The following SPIDR variants were observed in gnomAD, a reference collection of about 807,000 sequenced individuals.
SPIDR encodes DNA repair-scaffolding protein.
SPIDR carries 93 observed loss-of-function variants against 104.6 expected under a neutral mutation model. The observed-to-expected ratio is 0.89, with a 90% CI of 0.75 to 1.06. The LOEUF is 1.06. Among genes scored for constraint, SPIDR ranks in the 50% least tolerant of loss-of-function variants. The pLI is 0.00. For synonymous variants in SPIDR, 431 were observed against 416.9 expected, an observed-to-expected ratio of 1.03 and a Z score of -0.41; for missense variants, 1,154 against 1,111.2, an observed-to-expected ratio of 1.04 and a Z score of -0.55.
chr8:47,631,658 AT>A (rs1313741072), intron 10 of SPIDR, among the ~76,000 whole-genome samples: 2 of 152,222 alleles, frequency 1.3e-5, no homozygotes, highest in African/African-American at 4.8e-5. Flanking sequence ...AAGAATTCTT[AT>A]TTGACTCTTC....
intron 16 of SPIDR, among the ~76,000 whole-genome samples, chr8:47,716,314 T>C (rs2082584899): frequency 6.6e-6 from 1 of 152,180 alleles, no homozygotes; most frequent in Non-Finnish European, 1.5e-5. Flanking sequence ...AGATGGCTGG[T>C]GTTCCTCACC....
At chr8:47,717,613 G>A (rs2082757563) in intron 16 of SPIDR, among the ~76,000 whole-genome samples, 1 of 152,170 alleles carries the variant, frequency 6.6e-6, no homozygotes, top group African/African-American at 2.4e-5. Flanking sequence ...GCTCTAGGTG[G>A]TCAGATGCAG....
rs574329152 is a variant in SPIDR at position 47,656,160 on chromosome 8, T to C, written c.1545-17641T>C. The stretch of plus-strand genomic sequence containing the variant: ...ACCGTACATATTAGGCAATGGTTTC[T>C]TAGATGTGACACCAAAATCATAAAC... On this transcript the variant is annotated intron_variant, in intron 10 of 19. Coordinates refer to ENST00000297423, the MANE Select transcript of SPIDR (RefSeq NM_001080394.4). Among the ~76,000 whole-genome samples, 4 of 152,334 alleles carry C rather than the reference T, an allele frequency of 2.6e-5. No individual in the cohort carries two copies. The South Asian group carries it at 8.3e-4, about 32-fold the overall frequency.
chr8:47,428,046 C>T (rs1387810459), intron 7 of SPIDR, among the ~76,000 whole-genome samples: 1 of 152,250 alleles, frequency 6.6e-6, no homozygotes, highest in Non-Finnish European at 1.5e-5. Context: ...TCTCAGCCTC[C>T]TGAGTAGTTG....
intron 2 of SPIDR, among the ~76,000 whole-genome samples, chr8:47,280,357 A>C (rs2154220429): frequency 6.7e-6 from 1 of 150,124 alleles, no homozygotes; most frequent in Non-Finnish European, 1.5e-5. Flanking sequence ...CGTGTCAAAT[A>C]GCTGGGACTA....
At chr8:47,333,918 G>A (rs1382236312) in intron 5 of SPIDR, among the ~76,000 whole-genome samples, 1 of 152,178 alleles carries the variant, frequency 6.6e-6, no homozygotes, top group African/African-American at 2.4e-5. Context: ...TATGCGTTTA[G>A]TGCTATAAAT....
intron 7 of SPIDR, among the ~76,000 whole-genome samples, chr8:47,413,780 G>A (rs1376934487): frequency 6.6e-6 from 1 of 152,128 alleles, no homozygotes; most frequent in Admixed American, 6.5e-5. Flanking sequence ...CATTTCATAT[G>A]CAAACTAATC....
chr8:47,465,174 G>A (rs1351221996), intron 8 of SPIDR, among the ~76,000 whole-genome samples: 1 of 152,154 alleles, frequency 6.6e-6, no homozygotes. Flanking sequence ...AATGCTGAGG[G>A]AATTTGTTAC....
chr8:47,293,445 T>G (rs1309335296), intron 4 of SPIDR, among the ~76,000 whole-genome samples: 1 of 152,114 alleles, frequency 6.6e-6, no homozygotes, highest in African/African-American at 2.4e-5. Context: ...AATATACTTT[T>G]CACTGTCTAA....
intron 8 of SPIDR, among the ~76,000 whole-genome samples, chr8:47,595,229 A>G (rs2061510795): frequency 6.6e-6 from 1 of 152,200 alleles, no homozygotes; most frequent in South Asian, 2.1e-4. Context: ...TTTTAATATT[A>G]AGCAGCGCCA....
chr8:47,369,033 T>A (rs1403296324), intron 5 of SPIDR, among the ~76,000 whole-genome samples: 1 of 152,162 alleles, frequency 6.6e-6, no homozygotes, highest in Admixed American at 6.5e-5. Flanking sequence ...ACGAACAAAC[T>A]TTAGAAGGTA....
intron 5 of SPIDR, among the ~76,000 whole-genome samples, chr8:47,358,754 A>G (rs1372821634): frequency 6.6e-6 from 1 of 152,232 alleles, no homozygotes; most frequent in Non-Finnish European, 1.5e-5. Flanking sequence ...CAGAATTTTA[A>G]ACATTTTATG....
At chr8:47,663,387 A>G (rs2074414386) in intron 10 of SPIDR, among the ~76,000 whole-genome samples, 1 of 152,178 alleles carries the variant, frequency 6.6e-6, no homozygotes. Context: ...TTTGCCCACT[A>G]CCCTGTACCT....
At chr8:47,378,411 C>T (rs2058926997) in intron 5 of SPIDR, among the ~76,000 whole-genome samples, 1 of 152,196 alleles carries the variant, frequency 6.6e-6, no homozygotes, top group Non-Finnish European at 1.5e-5. Context: ...TGGAAAAATA[C>T]ATAGGACAAA....
intron 10 of SPIDR, among the ~76,000 whole-genome samples, chr8:47,649,550 T>C (rs76023090): frequency 0.026 from 3,928 of 152,126 alleles, 128 homozygotes; most frequent in East Asian, 0.089. Context: ...GGGCAATGGG[T>C]GAAACATGAG....
intron 5 of SPIDR, among the ~76,000 whole-genome samples, chr8:47,331,965 C>CTTTTTTTTT (rs1183447584): frequency 1.5e-3 from 49 of 32,716 alleles, no homozygotes; most frequent in Non-Finnish European, 2.6e-3. Flanking sequence ...TTTTTTTAAA[C>CTTTTTTTTT]TTTTTTTTTT....
chr8:47,392,096 G>C (rs962034915), intron 5 of SPIDR, among the ~76,000 whole-genome samples: 3 of 151,390 alleles, frequency 2.0e-5, no homozygotes, highest in Non-Finnish European at 4.4e-5. Context: ...AAAACCAAAC[G>C]ACATGTAAAC....
chr8:47,447,448 A>G (rs1353074152), intron 8 of SPIDR, among the ~76,000 whole-genome samples: 1 of 152,122 alleles, frequency 6.6e-6, no homozygotes, highest in Non-Finnish European at 1.5e-5. Context: ...TCCTGACCTC[A>G]GGTAATCCGC....
At position 47,448,416 on chromosome 8, in the gene SPIDR, A is replaced by G. The variant is rs782462105; in HGVS notation, c.1097+7874A>G. ...AGATTTACTGAATGTTTACTTACTT[A>G]CTCTTTAATAAGCCTTGTACTAGAA... On this transcript the variant is annotated intron_variant, in intron 8 of 19. Coordinates refer to ENST00000297423, the MANE Select transcript of SPIDR (RefSeq NM_001080394.4). Among the ~76,000 whole-genome samples the G allele has an allele frequency of 1.4e-3, 213 of 152,062 alleles. 2 individuals are homozygous for G. Among genetic ancestry groups the G allele is most frequent in the Non-Finnish European group, 1.8e-3 (121 of 68,024 alleles).
Sources: gnomAD v4.1 joint callset for allele counts (sites outside exome capture counted in the v4.1 genomes callset) on GRCh38, gnomAD v4.1.1 for gene constraint, MANE v1.5 for transcripts, NCBI Gene and HGNC (gene_info 2026-07-23, HGNC 2026-07-21) for gene names.